Variants in NGLY1 observed in about 807,000 individuals in gnomAD.
NGLY1 encodes the protein peptide-N(4)-(N-acetyl-beta-glucosaminyl)asparagine amidase.
NGLY1 carries 68 observed loss-of-function variants against 84.6 expected under a neutral mutation model. The ratio of observed to expected loss-of-function variants is 0.80; its 90% CI spans 0.66 to 0.98. The LOEUF is 0.98. NGLY1 is among the 50% of genes least tolerant of loss of function. The pLI is 0.00. For synonymous variants in NGLY1, 280 were observed against 275.2 expected (o/e 1.02, Z -0.17); for missense variants, 779 against 770.2 (o/e 1.01, Z -0.14).
intron 3 of NGLY1, among the ~76,000 whole-genome samples, chr3:25,754,649 T>G (rs1184127109): frequency 1.6e-5 from 2 of 128,782 alleles, no homozygotes; most frequent in African/African-American, 5.0e-5. Context: ...ATTAGGGTAG[T>G]TTTACAACTG....
intron 4 of NGLY1, among the ~76,000 whole-genome samples, chr3:25,744,001 G>A (rs1295886662): frequency 1.3e-5 from 2 of 152,070 alleles, no homozygotes; most frequent in Non-Finnish European, 2.9e-5. Flanking sequence ...TGAATACTGG[G>A]TTTATTTCAA....
intron 3 of NGLY1, among the ~76,000 whole-genome samples, chr3:25,752,204 C>A (rs1036485382): frequency 6.6e-6 from 1 of 152,028 alleles, no homozygotes; most frequent in Non-Finnish European, 1.5e-5. Context: ...AGATCTTGGA[C>A]GTAAAAATTT....
In NGLY1 at chr3:25,777,395, CAAAAAAAAAAAAA is replaced by C. The variant is rs11332980; in HGVS notation, c.246+1166_246+1178del. Among the ~76,000 whole-genome samples the C allele has an allele frequency of 1.6e-3, 141 of 87,450 alleles. 1 individual carries two copies. Among genetic ancestry groups the C allele is most frequent in the African/African-American group, 6.0e-3 (137 of 22,712 alleles). 57.4% of individuals were successfully genotyped at this position (87,450 alleles called of 152,430 possible). A position where few individuals can be genotyped will look rare whatever the true frequency, so the allele number is the denominator to read the frequency against. The stretch of plus-strand genomic sequence containing the variant: ...GGGCAACAAGAGCGAAACTCCATCT[CAAAAAAAAAAAAA>C]AAAAAAAAAATTCCCAGTGGCTTCT... On this transcript the variant is annotated intron_variant, in intron 2 of 11. Transcript: ENST00000280700.
intron 2 of NGLY1, among the ~76,000 whole-genome samples, chr3:25,770,180 T>C (rs1707824171): frequency 6.6e-6 from 1 of 152,230 alleles, no homozygotes; most frequent in African/African-American, 2.4e-5. Flanking sequence ...GACAGAGTTT[T>C]GCTCTTGTCA....
chr3:25,753,213 T>A (rs116626175), intron 3 of NGLY1, among the ~76,000 whole-genome samples: 2,469 of 152,290 alleles, frequency 0.016, 69 homozygotes, highest in African/African-American at 0.057. Context: ...GAAAAAATTA[T>A]TTGATGTCAG....
chr3:25,788,718 T>C (rs1454721852), intron 1 of NGLY1, among the ~76,000 whole-genome samples: 2 of 152,244 alleles, frequency 1.3e-5, no homozygotes, highest in Non-Finnish European at 2.9e-5. Context: ...TTTAGGTACT[T>C]ACTCATCAAG....
intron 1 of NGLY1, among the ~76,000 whole-genome samples, chr3:25,788,869 A>C (rs945022402): frequency 2.6e-5 from 4 of 152,256 alleles, no homozygotes; most frequent in Admixed American, 2.6e-4. Context: ...TAAACAAAAT[A>C]GATTTCCAAA....
chr3:25,779,534 G>A lies in NGLY1; in HGVS notation c.132-846C>T, dbSNP rs548284490. Among the ~76,000 whole-genome samples, 7 of 152,298 alleles carry A rather than the reference G, an allele frequency of 4.6e-5. No homozygotes were observed. In the South Asian group the frequency reaches 1.5e-3, roughly 32 times the overall value. On this transcript the variant is annotated intron_variant, in intron 1 of 11. Transcript: ENST00000280700. Reference sequence around the variant, plus strand: ...TGATAGTGACTTCTTTAAGTACTATGTTAAGGAGGATTCTGAGGCAGTATC... The same window carrying A: ...TGATAGTGACTTCTTTAAGTACTATATTAAGGAGGATTCTGAGGCAGTATC...
intron 2 of NGLY1, among the ~76,000 whole-genome samples, chr3:25,776,093 C>T (rs1708142007): frequency 6.6e-6 from 1 of 152,168 alleles, no homozygotes; most frequent in African/African-American, 2.4e-5. Flanking sequence ...ATAAATTAGT[C>T]ATATCAAAAC....
At chr3:25,782,930 AAGAGC>A (rs763151714) in intron 1 of NGLY1, 11 of 261,942 alleles carry the variant, frequency 4.2e-5, no homozygotes, top group Admixed American at 1.6e-4. Context: ...AAACGACGAG[AAGAGC>A]GGCAGTGTCT....
chr3:25,783,333 G>A lies in NGLY1; in HGVS notation c.58C>T (p.Leu20Phe), dbSNP rs760735330. 1.9e-6 allele frequency: 3 copies of A among 1,590,282 alleles called. No homozygotes were observed. Among genetic ancestry groups the A allele is most frequent in the Non-Finnish European group, 2.6e-6 (3 of 1,169,952 alleles). ...SGSASPAVAE[L>F]CQNTPETFLE... ...AAGGTCTCCGGGGTGTTCTGGCAGA[G>A]CTCAGCCACGGCCGGGGACGCCGAG... is the stretch of plus-strand genomic sequence containing the variant. The change falls in exon 1 of 12, where the codon CTC (leucine) becomes TTC (phenylalanine). Residue 20 changes from leucine (L) to phenylalanine (F), a missense_variant. Coordinates refer to ENST00000280700, the MANE Select transcript of NGLY1 (RefSeq NM_018297.4). This position sits in a 1 kb window ranked among gnomAD's most constrained non-coding sequence, Gnocchi z 4.5.
chr3:25,783,815 G>C (rs1708540133), upstream of NGLY1, among the ~76,000 whole-genome samples: 1 of 152,084 alleles, frequency 6.6e-6, no homozygotes, highest in Non-Finnish European at 1.5e-5. This position sits in a 1 kb window ranked among gnomAD's most constrained non-coding sequence, Gnocchi z 4.5. Flanking sequence ...CCTGGGCTCC[G>C]GGGCTGAGGG....
chr3:25,746,540 A>G (rs1163176377), intron 4 of NGLY1, among the ~76,000 whole-genome samples: 1 of 152,224 alleles, frequency 6.6e-6, no homozygotes, highest in African/African-American at 2.4e-5. Context: ...AAATGTTAGC[A>G]GGGAACATCA....
chr3:25,732,617 A>G (rs1434497230), intron 8 of NGLY1, 134 bp from the exon 9 acceptor site: 3 of 567,204 alleles, frequency 5.3e-6, no homozygotes, highest in Admixed American at 3.4e-5. Context: ...TTTCAAACAT[A>G]TATTATTCAG....
intron 5 of NGLY1, 102 bp downstream of exon 5, chr3:25,739,475 T>C: frequency 8.8e-7 from 1 of 1,139,132 alleles, no homozygotes; most frequent in Non-Finnish European, 1.2e-6. Flanking sequence ...TTTAGAGGAA[T>C]ATATTTCTGA....
At chr3:25,786,322 CAA>C (rs1351398769), upstream of NGLY1, among the ~76,000 whole-genome samples, 3 of 114,856 alleles carry the variant, frequency 2.6e-5, no homozygotes, top group Non-Finnish European at 1.8e-5. Context: ...GACTCTACCT[CAA>C]AAAAAAAAAA....
At chr3:25,725,960 G>A (rs1366498647) in intron 10 of NGLY1, among the ~76,000 whole-genome samples, 1 of 152,134 alleles carries the variant, frequency 6.6e-6, no homozygotes, top group Non-Finnish European at 1.5e-5. Flanking sequence ...CGCACCTTGA[G>A]GCTTGCCTCT....
chr3:25,754,611 C>T (rs551366772), intron 3 of NGLY1, among the ~76,000 whole-genome samples: 1 of 151,592 alleles, frequency 6.6e-6, no homozygotes, highest in South Asian at 2.1e-4. Flanking sequence ...GGGACTACTG[C>T]AGAGCTCCAA....
chr3:25,789,919 G>A (rs1054502861), exon 1 of NGLY1: 3 of 1,550,938 alleles, frequency 1.9e-6, no homozygotes, highest in Non-Finnish European at 2.6e-6. Flanking sequence ...TCCGAGAGGG[G>A]CGTCTCTGCT....
Sources: gnomAD v4.1 joint callset for allele counts (sites outside exome capture counted in the v4.1 genomes callset) on GRCh38, gnomAD v4.1.1 for gene constraint, Gnocchi (gnomAD v3.1) non-coding constraint, MANE v1.5 for transcripts, NCBI Gene and HGNC (gene_info 2026-07-23, HGNC 2026-07-21) for gene names.